SATB2: variants seen among roughly 807,000 people sequenced by gnomAD.
SATB2 encodes the protein SATB homeobox 2.
In SATB2, 1 loss-of-function variant was observed where a neutral mutation model predicts 73.4. The observed-to-expected ratio is 0.01, with a 90% CI of 0.00 to 0.06. The LOEUF (loss-of-function observed/expected upper bound fraction) is 0.06, where lower values mean the gene tolerates loss of function less well. SATB2 is among the 10% of genes least tolerant of loss of function. The probability of loss-of-function intolerance (pLI) is 1.00; values close to 1 mark genes in which losing one functional copy is unlikely to be tolerated. For synonymous variants in SATB2, 397 were observed against 367.0 expected, an observed-to-expected ratio of 1.08 and a Z score of -0.93; for missense variants, 459 against 945.8, an observed-to-expected ratio of 0.49 and a Z score of 6.75.
chr2:199,304,074 A>G (rs149099866), intron 10 of SATB2, among the ~76,000 whole-genome samples: 4 of 152,268 alleles, frequency 2.6e-5, no homozygotes, highest in African/African-American at 9.6e-5. Context: ...GCATGAGGGA[A>G]GTGTGGTCAG....
rs4673305 is a variant in SATB2 at position 199,280,043 on chromosome 2, G to A, written c.1741-7371C>T. Reference sequence around the variant, plus strand: ...GTAATCCCAGCTACTTGGGTGTTGCGGGAAGTCAGGGACCCCAAACGGAGG... The same window carrying A: ...GTAATCCCAGCTACTTGGGTGTTGCAGGAAGTCAGGGACCCCAAACGGAGG... On this transcript the variant is annotated intron_variant, in intron 10 of 10. Coordinates refer to ENST00000417098, the MANE Select transcript of SATB2 (RefSeq NM_001172509.2). 1.4e-4 allele frequency among the ~76,000 whole-genome samples: 22 copies of A among 152,238 alleles called. No homozygotes were observed. The East Asian group carries it at 1.7e-3, about 12-fold the overall frequency.
At chr2:199,381,600 A>C in intron 4 of SATB2, 94 bp downstream of exon 4, 1 of 1,521,868 alleles carries the variant, frequency 6.6e-7, no homozygotes, top group South Asian at 1.1e-5. Context: ...ATGTCCAGAA[A>C]TTAATAGACA....
chr2:199,275,030 T>C (rs1270388082), intron 10 of SATB2, among the ~76,000 whole-genome samples: 1 of 152,152 alleles, frequency 6.6e-6, no homozygotes, highest in African/African-American at 2.4e-5. Context: ...GACTCAAGCA[T>C]GAGTACTCCC....
At chr2:199,409,670 T>G (rs1690754507) in intron 3 of SATB2, among the ~76,000 whole-genome samples, 1 of 141,510 alleles carries the variant, frequency 7.1e-6, no homozygotes, top group Non-Finnish European at 1.5e-5. Flanking sequence ...TTTTTTTTTG[T>G]TTTTTTTTGT....
chr2:199,326,794 T>C (rs1373254626), intron 8 of SATB2, among the ~76,000 whole-genome samples: 2 of 152,130 alleles, frequency 1.3e-5, no homozygotes, highest in Non-Finnish European at 2.9e-5. Context: ...CAAAAATGCT[T>C]GGTTATACTC....
chr2:199,351,512 T>C (rs980392908), intron 6 of SATB2, among the ~76,000 whole-genome samples: 2 of 152,212 alleles, frequency 1.3e-5, no homozygotes, highest in Non-Finnish European at 2.9e-5. Context: ...ACAAATTATT[T>C]TACTCATCTT....
At chr2:199,313,051 C>A (rs2105775287) in intron 9 of SATB2, among the ~76,000 whole-genome samples, 1 of 152,196 alleles carries the variant, frequency 6.6e-6, no homozygotes. Context: ...AGTAGAAAAA[C>A]AGGTGAAATT....
At chr2:199,329,117 C>G in intron 7 of SATB2, 1 of 610,754 alleles carries the variant, frequency 1.6e-6, no homozygotes, top group South Asian at 1.8e-5. Context: ...CTGTTCTATT[C>G]TGACACTTTA....
intron 3 of SATB2, among the ~76,000 whole-genome samples, chr2:199,390,358 T>C (rs368136891): frequency 2.0e-5 from 3 of 152,246 alleles, no homozygotes; most frequent in East Asian, 3.8e-4. Context: ...TCTAAACTTC[T>C]GTCACTGGTT....
intron 3 of SATB2, among the ~76,000 whole-genome samples, chr2:199,413,757 C>T (rs1690891380): frequency 6.6e-6 from 1 of 152,128 alleles, no homozygotes. Context: ...CTACCCTCTT[C>T]CTGCCTGGAA....
chr2:199,464,229 C>G lies in SATB2; in HGVS notation c.-141+607G>C, dbSNP rs886446208. ...TGACGGCGGCGACTCGGGCTCAGTT[C>G]TCCCCCACCCCGTGGTGCCTTCCCT... is the stretch of plus-strand genomic sequence containing the variant. On this transcript the variant is annotated intron_variant, in intron 1 of 11. Transcript: ENST00000260926. The surrounding 1 kb of genome is among the most constrained non-coding windows in gnomAD (Gnocchi z 6.6). Among the ~76,000 whole-genome samples, 1 of 152,172 alleles carries G rather than the reference C, an allele frequency of 6.6e-6. No homozygotes were observed. The highest frequency in any genetic ancestry group is 1.5e-5 in the Non-Finnish European group (1 of 68,020).
chr2:199,442,306 C>A (rs562598513), intron 2 of SATB2, among the ~76,000 whole-genome samples: 2 of 152,254 alleles, frequency 1.3e-5, no homozygotes, highest in Admixed American at 6.5e-5. Flanking sequence ...GGAGCTTGCT[C>A]CATGTTGTCC....
Position 199,380,400 on chromosome 2 carries a change from G to A in SATB2, c.561C>T (p.Asn187=). The change falls in exon 5 of 11, where the codon AAC becomes AAT. Residue 187 remains asparagine (N), a synonymous_variant. Transcript: ENST00000417098. The part of the protein sequence containing the change: ...NALKELLKEM[N]QSTLAKECPL... Reference sequence around the variant, plus strand: ...GGCATTCTTTGGCTAATGTGCTCTGGTTCATCTCTTTGAGCAGTTCCTTTA... The same window carrying A: ...GGCATTCTTTGGCTAATGTGCTCTGATTCATCTCTTTGAGCAGTTCCTTTA... 1 of 1,613,954 alleles carries A rather than the reference G, an allele frequency of 6.2e-7. No homozygotes were observed. The highest frequency in any genetic ancestry group is 8.5e-7 in the Non-Finnish European group (1 of 1,179,840).
intron 10 of SATB2, among the ~76,000 whole-genome samples, chr2:199,292,359 C>T (rs1692893246): frequency 6.6e-6 from 1 of 152,292 alleles, no homozygotes; most frequent in South Asian, 2.1e-4. Context: ...CTGTCAATAA[C>T]CTATTAATAC....
intron 10 of SATB2, among the ~76,000 whole-genome samples, chr2:199,297,291 T>G (rs1687139418): frequency 6.6e-6 from 1 of 152,200 alleles, no homozygotes; most frequent in South Asian, 2.1e-4. Context: ...TTTGTTTGGT[T>G]TGAGTAAATT....
At chr2:199,389,757 G>A (rs1384584793) in intron 3 of SATB2, among the ~76,000 whole-genome samples, 1 of 151,996 alleles carries the variant, frequency 6.6e-6, no homozygotes, top group African/African-American at 2.4e-5. Flanking sequence ...TCTTTCAGAG[G>A]AAATTATCAA....
At chr2:199,430,647 G>C (rs1011590995) in intron 3 of SATB2, among the ~76,000 whole-genome samples, 1 of 152,138 alleles carries the variant, frequency 6.6e-6, no homozygotes, top group African/African-American at 2.4e-5. Context: ...CTCCATTTTA[G>C]TAGAATTTCT....
At chr2:199,439,827 G>A (rs1397795977) in intron 2 of SATB2, among the ~76,000 whole-genome samples, 1 of 152,102 alleles carries the variant, frequency 6.6e-6, no homozygotes, top group East Asian at 1.9e-4. Context: ...ATAGAGGCTG[G>A]GCGCAGTGGC....
Position 199,456,019 on chromosome 2 carries a change from T to A in SATB2, c.19A>T (p.Ser7Cys). The change falls in exon 2 of 11, where the codon AGC becomes TGC. Residue 7 changes from serine (S) to cysteine (C), a missense_variant. Coordinates refer to ENST00000417098, the MANE Select transcript of SATB2 (RefSeq NM_001172509.2). Reference protein sequence around the residue: MERRSESPCLRDSPDRR... With the variant: MERRSECPCLRDSPDRR... ...TCGGGGCTGTCCCGCAGACACGGGC[T>A]CTCGCTCCGCCGCTCCATGCTGCTC... The A allele has an allele frequency of 6.5e-7, 1 of 1,539,638 alleles. No homozygotes were observed. Among genetic ancestry groups the A allele is most frequent in the Non-Finnish European group, 8.7e-7 (1 of 1,149,180 alleles).
Sources: gnomAD v4.1 joint callset for allele counts (sites outside exome capture counted in the v4.1 genomes callset) on GRCh38, gnomAD v4.1.1 for gene constraint, Gnocchi (gnomAD v3.1) non-coding constraint, MANE v1.5 for transcripts, NCBI Gene and HGNC (gene_info 2026-07-23, HGNC 2026-07-21) for gene names.